FAM168A: variants seen among roughly 807,000 people sequenced by gnomAD.
The protein encoded by FAM168A is protein FAM168A.
A neutral mutation model predicts 28.5 loss-of-function variants in FAM168A; 3 were observed. That is an observed-to-expected ratio of 0.11 (90% confidence interval 0.05 to 0.27). The LOEUF (loss-of-function observed/expected upper bound fraction) is 0.27. Among genes scored for constraint, FAM168A ranks in the 10% least tolerant of loss-of-function variants. The probability of loss-of-function intolerance (pLI) is 1.00; values close to 1 mark genes in which losing one functional copy is unlikely to be tolerated. For missense variants in FAM168A, 222 were observed against 311.5 expected (o/e 0.71, Z 2.16); for synonymous variants, 122 against 124.2 (o/e 0.98, Z 0.12).
chr11:73,583,535 T>C (rs942505101), intron 1 of FAM168A, among the ~76,000 whole-genome samples: 2 of 152,086 alleles, frequency 1.3e-5, no homozygotes, highest in Admixed American at 1.3e-4. Context: ...AATAAATGGA[T>C]AACCACAATC....
chr11:73,419,011 C>T (rs547579084), intron 4 of FAM168A, among the ~76,000 whole-genome samples: 5 of 152,156 alleles, frequency 3.3e-5, no homozygotes, highest in African/African-American at 1.2e-4. Context: ...AGGGTTTCAC[C>T]GTGTTAGCCA....
intron 3 of FAM168A, among the ~76,000 whole-genome samples, chr11:73,420,346 G>A (rs145353933): frequency 6.6e-6 from 1 of 152,184 alleles, no homozygotes; most frequent in Non-Finnish European, 1.5e-5. Context: ...TCATTAATGT[G>A]TAACAACTTG....
intron 1 of FAM168A, among the ~76,000 whole-genome samples, chr11:73,540,993 C>T (rs1943649967): frequency 6.6e-6 from 1 of 151,974 alleles, no homozygotes; most frequent in Non-Finnish European, 1.5e-5. Flanking sequence ...TCACCTGAGG[C>T]CAGAAGTTCA....
At chr11:73,445,574 T>C (rs778000828) in intron 2 of FAM168A, among the ~76,000 whole-genome samples, 20 of 151,738 alleles carry the variant, frequency 1.3e-4, no homozygotes, top group Non-Finnish European at 5.9e-5. Flanking sequence ...CTTTAAAAAC[T>C]CTTATTGGGC....
rs867413291 is a variant in FAM168A, at chr11:73,584,606, C to G, written c.-19+13317G>C. 7.9e-5 allele frequency among the ~76,000 whole-genome samples: 12 copies of G among 151,950 alleles called. No individual in the cohort carries two copies. In the South Asian group the frequency reaches 2.5e-3, roughly 32 times the overall value. ...CTCCCACCTCAGCCTCCGGAATAGC[C>G]GGGACTACAGGCGCCCGCCACCATG... On this transcript the variant is annotated intron_variant, in intron 1 of 7. Coordinates refer to ENST00000356467, the MANE Select transcript of FAM168A (RefSeq NM_015159.3).
chr11:73,474,779 T>C (rs1219647398), intron 1 of FAM168A, among the ~76,000 whole-genome samples: 1 of 152,196 alleles, frequency 6.6e-6, no homozygotes, highest in African/African-American at 2.4e-5. Flanking sequence ...CAAATACATA[T>C]TAGTTGAACA....
intron 1 of FAM168A, among the ~76,000 whole-genome samples, chr11:73,548,309 AGAT>A (rs566939808): frequency 1.6e-3 from 232 of 146,508 alleles, no homozygotes; most frequent in African/African-American, 5.7e-3. Flanking sequence ...ATAGGAAGTA[AGAT>A]GATAATAATA....
chr11:73,402,799 C>A lies in FAM168A; in HGVS notation c.*3964G>T, dbSNP rs1866436001. 6.6e-6 allele frequency: 1 copy of A among 152,240 alleles called. No homozygotes were observed. Among genetic ancestry groups the A allele is most frequent in the South Asian group, 2.1e-4 (1 of 4,824 alleles). The allele number at this position is 152,240 out of a possible 1,614,324, so 9.4% of individuals were successfully genotyped here. ...CAAGTGAGGCCTTTAGTTGCAAATT[C>A]TCATCCTCCTTGTGCTGCCAGTTAG... On this transcript the variant is annotated 3_prime_UTR_variant, in exon 8 of 8. Transcript: ENST00000356467.
intron 1 of FAM168A, among the ~76,000 whole-genome samples, chr11:73,544,650 T>C (rs986508428): frequency 1.4e-5 from 2 of 138,762 alleles, no homozygotes; most frequent in East Asian, 2.0e-4. Context: ...AAAAAATATA[T>C]ACAATTACAT....
intron 1 of FAM168A, among the ~76,000 whole-genome samples, chr11:73,484,507 G>GAGAGAGATATATATATATATATAT (rs1243168733): frequency 1.3e-5 from 1 of 77,774 alleles, no homozygotes; most frequent in African/African-American, 5.7e-5. Context: ...AGGAGAGAGA[G>GAGAGAGATATATATATATATATAT]ATATATATAG....
chr11:73,448,565 G>A, intron 2 of FAM168A, among the ~76,000 whole-genome samples: 1 of 152,154 alleles, frequency 6.6e-6, no homozygotes, highest in East Asian at 1.9e-4. Context: ...TCACTACTGA[G>A]TCTGGAAAAG....
Position 73,571,584 on chromosome 11 carries a change from C to G in FAM168A, c.-19+26339G>C, listed in dbSNP as rs572915995. Among the ~76,000 whole-genome samples the G allele has an allele frequency of 6.6e-5, 10 of 151,858 alleles. No homozygotes were observed. In the South Asian group the frequency reaches 2.1e-3, roughly 32 times the overall value. On this transcript the variant is annotated intron_variant, in intron 1 of 7. Transcript: ENST00000356467. ...CCAGGCTGGAGTGCAGTGGTGTGAT[C>G]TCGGCTCGCTACAACCTCCACCTCC...
chr11:73,562,088 G>A (rs1054050680), intron 1 of FAM168A, among the ~76,000 whole-genome samples: 1 of 152,092 alleles, frequency 6.6e-6, no homozygotes, highest in Non-Finnish European at 1.5e-5. Flanking sequence ...GATTACAGGC[G>A]CACGCCACCA....
intron 1 of FAM168A, among the ~76,000 whole-genome samples, chr11:73,586,137 G>T (rs1944311365): frequency 6.6e-6 from 1 of 152,164 alleles, no homozygotes; most frequent in Non-Finnish European, 1.5e-5. Context: ...CACTGTCTCT[G>T]GAAGCCAGCA....
chr11:73,573,636 C>T (rs533594288), intron 1 of FAM168A, among the ~76,000 whole-genome samples: 1 of 152,166 alleles, frequency 6.6e-6, no homozygotes, highest in Non-Finnish European at 1.5e-5. Flanking sequence ...AAATTTGCCT[C>T]TTAAAATAGC....
At chr11:73,514,326 A>G (rs1943271240) in intron 1 of FAM168A, among the ~76,000 whole-genome samples, 1 of 152,210 alleles carries the variant, frequency 6.6e-6, no homozygotes, top group Non-Finnish European at 1.5e-5. Context: ...CACCTGGCAT[A>G]ATACAACTGC....
At chr11:73,409,335 G>T in intron 6 of FAM168A, 152 bp downstream of exon 6, 1 of 927,692 alleles carries the variant, frequency 1.1e-6, no homozygotes, top group Non-Finnish European at 1.6e-6. Context: ...CATCCCCATA[G>T]ACAGATTTAG....
At chr11:73,577,229 C>T (rs78152923) in intron 1 of FAM168A, among the ~76,000 whole-genome samples, 2,748 of 152,280 alleles carry the variant, frequency 0.018, 66 homozygotes, top group African/African-American at 0.055. Context: ...CTCCCAACAA[C>T]CCTCTGAGGT....
At chr11:73,561,779 TTTATATC>T (rs1227420888) in intron 1 of FAM168A, among the ~76,000 whole-genome samples, 1 of 152,092 alleles carries the variant, frequency 6.6e-6, no homozygotes, top group Non-Finnish European at 1.5e-5. Context: ...AACTTTTACT[TTTATATC>T]TGTATCAACT....
Sources: gnomAD v4.1 joint callset for allele counts (sites outside exome capture counted in the v4.1 genomes callset) on GRCh38, gnomAD v4.1.1 for gene constraint, MANE v1.5 for transcripts, NCBI Gene and HGNC (gene_info 2026-07-23, HGNC 2026-07-21) for gene names.